Variants in ALG5 observed in about 807,000 individuals in gnomAD.
The protein encoded by ALG5 is ALG5 dolichyl-phosphate beta-glucosyltransferase.
Under a neutral mutation model 51.8 loss-of-function variants are expected in ALG5, and 26 were observed. The observed-to-expected ratio is 0.50, with a 90% CI of 0.37 to 0.70. The LOEUF (loss-of-function observed/expected upper bound fraction) is 0.70, where lower values mean the gene tolerates loss of function less well. ALG5 is among the 30% of genes least tolerant of loss of function. ALG5 has a pLI of 0.00. For synonymous variants in ALG5, 141 were observed against 136.1 expected, an observed-to-expected ratio of 1.04 and a Z score of -0.25; for missense variants, 311 against 399.3, an observed-to-expected ratio of 0.78 and a Z score of 1.88.
intron 6 of ALG5, among the ~76,000 whole-genome samples, chr13:36,979,014 C>A (rs923785059): frequency 1.3e-5 from 2 of 151,408 alleles, no homozygotes; most frequent in African/African-American, 4.9e-5. Flanking sequence ...ACCTGACATA[C>A]ATTTCCTTAT....
intron 6 of ALG5, among the ~76,000 whole-genome samples, chr13:36,980,129 C>T (rs1324595016): frequency 1.3e-5 from 2 of 152,136 alleles, no homozygotes; most frequent in Non-Finnish European, 2.9e-5. Flanking sequence ...ATGAAATACA[C>T]ACTTTTTAGC....
Position 36,986,468 on chromosome 13 carries a change from T to A in ALG5, c.448-728A>T, listed in dbSNP as rs183967751. Among the ~76,000 whole-genome samples, 9 of 152,346 alleles carry A rather than the reference T, an allele frequency of 5.9e-5. No individual in the cohort carries two copies. In the East Asian group the frequency reaches 1.5e-3, roughly 26 times the overall value. Reference sequence around the variant, plus strand: ...ATTCCTTATTTCTTACGTGCAAATATATTTATGGTTTGATATAGTAAAATT... The same window carrying A: ...ATTCCTTATTTCTTACGTGCAAATAAATTTATGGTTTGATATAGTAAAATT... On this transcript the variant is annotated intron_variant, in intron 5 of 9. Transcript: ENST00000239891.
At chr13:36,987,807 C>T (rs896266127) in intron 5 of ALG5, among the ~76,000 whole-genome samples, 1 of 152,150 alleles carries the variant, frequency 6.6e-6, no homozygotes, top group Non-Finnish European at 1.5e-5. Context: ...TTCTTCTCTT[C>T]TGTCACTATC....
chr13:36,994,076 T>G (rs1400655783), intron 3 of ALG5, among the ~76,000 whole-genome samples: 1 of 152,238 alleles, frequency 6.6e-6, no homozygotes, highest in African/African-American at 2.4e-5. Flanking sequence ...CTTGGGCAAC[T>G]TAACTTTTTG....
chr13:36,984,338 T>A (rs1413583428), intron 6 of ALG5, among the ~76,000 whole-genome samples: 1 of 152,108 alleles, frequency 6.6e-6, no homozygotes, highest in East Asian at 1.9e-4. Flanking sequence ...TGGCCTCAAG[T>A]GATCTTCCTG....
At chr13:36,967,037 A>G (rs2138793437) in intron 7 of ALG5, among the ~76,000 whole-genome samples, 1 of 152,116 alleles carries the variant, frequency 6.6e-6, no homozygotes, top group South Asian at 2.1e-4. Context: ...AGCCTGCCCA[A>G]CATGGCGAAA....
chr13:36,989,418 G>T, intron 5 of ALG5, 66 bp downstream of exon 5: 1 of 1,223,812 alleles, frequency 8.2e-7, no homozygotes, highest in Non-Finnish European at 1.2e-6. Flanking sequence ...AAACATACAA[G>T]TCTGCAAAAG....
chr13:36,967,674 C>G (rs1226847105), intron 7 of ALG5: 1 of 473,744 alleles, frequency 2.1e-6, no homozygotes, highest in East Asian at 6.9e-5. Flanking sequence ...TGTCTTACCT[C>G]TCTAAGTAGA....
At chr13:36,958,821 G>T (rs2058852334) in intron 8 of ALG5, among the ~76,000 whole-genome samples, 1 of 152,162 alleles carries the variant, frequency 6.6e-6, no homozygotes, top group African/African-American at 2.4e-5. Flanking sequence ...AAAGCAGGAG[G>T]TAAAGAAATA....
At chr13:36,995,336 G>T in intron 2 of ALG5, 89 bp downstream of exon 2, 2 of 1,363,614 alleles carry the variant, frequency 1.5e-6, no homozygotes, top group Non-Finnish European at 2.0e-6. Context: ...ATCTATTAAT[G>T]TTTTGGCAAA....
intron 1 of ALG5, among the ~76,000 whole-genome samples, chr13:36,996,100 A>T (rs1257723311): frequency 1.3e-5 from 2 of 152,242 alleles, no homozygotes; most frequent in Non-Finnish European, 2.9e-5. Flanking sequence ...TATAAAAGGA[A>T]GATTCCCCAG....
rs780255764 is a variant in ALG5 at position 36,965,723 on chromosome 13, A to T, written c.625T>A (p.Ser209Thr). The part of the protein sequence containing the change: ...HLEKESIAQR[S>T]YFRTLLMYGF... ...TACATGAGAAGAGTACGGAAGTAAG[A>T]ACGCTGAAAACAAAGACAAAATATA... is the stretch of plus-strand genomic sequence containing the variant. Residue 209 changes from serine (S) to threonine (T), a missense_variant, in exon 8 of 10, where the codon TCT (serine) becomes ACT (threonine). By Grantham distance (58) the Ser-to-Thr change is moderately conservative. Transcript: ENST00000239891. 1 of 1,607,372 alleles carries T rather than the reference A, an allele frequency of 6.2e-7. No homozygotes were observed. Among genetic ancestry groups the T allele is most frequent in the South Asian group, 1.1e-5 (1 of 90,120 alleles).
chr13:36,959,944 C>T (rs1045171094), intron 8 of ALG5, among the ~76,000 whole-genome samples: 3 of 151,712 alleles, frequency 2.0e-5, no homozygotes, highest in Non-Finnish European at 4.4e-5. Context: ...ATGTCTCCAG[C>T]AAAAATGAAG....
intron 8 of ALG5, among the ~76,000 whole-genome samples, chr13:36,958,202 C>T (rs570144371): frequency 1.3e-5 from 2 of 152,116 alleles, no homozygotes; most frequent in Non-Finnish European, 2.9e-5. Flanking sequence ...CACCGCACCC[C>T]CTCCATGCCG....
intron 8 of ALG5, among the ~76,000 whole-genome samples, chr13:36,959,438 C>G (rs2138784486): frequency 6.6e-6 from 1 of 152,284 alleles, no homozygotes; most frequent in Non-Finnish European, 1.5e-5. Context: ...CATAATATCA[C>G]TTTGTATCCT....
chr13:36,999,289 A>C lies in ALG5; in HGVS notation c.12T>G (p.Leu4=), dbSNP rs772633936. The C allele has an allele frequency of 1.1e-5, 17 of 1,577,748 alleles. No individual in the cohort carries two copies. The Admixed American group carries it at 2.9e-4, about 27-fold the overall frequency. ...CGCCGAGCACCGCCAGCTGCAACAG[A>C]AGCGGAGCCATTCTCCATGCCGTGG... The part of the protein sequence containing the change: MAP[L]LLQLAVLGAA... The change falls in exon 1 of 10, where the codon CTT becomes CTG. Residue 4 remains leucine (L), a synonymous_variant. Coordinates refer to ENST00000239891, the MANE Select transcript of ALG5 (RefSeq NM_013338.5).
intron 7 of ALG5, among the ~76,000 whole-genome samples, chr13:36,970,377 G>A (rs2058916579): frequency 6.6e-6 from 1 of 152,124 alleles, no homozygotes. Context: ...ACTTTGGGAG[G>A]CCAAGGAGGG....
intron 6 of ALG5, among the ~76,000 whole-genome samples, chr13:36,976,283 C>T (rs2058950045): frequency 6.6e-6 from 1 of 151,018 alleles, no homozygotes; most frequent in Middle Eastern, 3.4e-3. Flanking sequence ...AAAAACTAGC[C>T]AGGAGTGGTG....
At chr13:36,972,736 T>C (rs2058930343) in intron 6 of ALG5, among the ~76,000 whole-genome samples, 1 of 152,128 alleles carries the variant, frequency 6.6e-6, no homozygotes, top group Admixed American at 6.5e-5. Flanking sequence ...CTCACGCCTG[T>C]AATCGCAGCA....
Sources: gnomAD v4.1 joint callset for allele counts (sites outside exome capture counted in the v4.1 genomes callset) on GRCh38, gnomAD v4.1.1 for gene constraint, MANE v1.5 for transcripts, NCBI Gene and HGNC (gene_info 2026-07-23, HGNC 2026-07-21) for gene names.